Variants in PALM2AKAP2 observed in about 807,000 individuals in gnomAD.
PALM2AKAP2 encodes PALM2 and AKAP2 fusion, also known as PALM2-AKAP2 fusion protein.
PALM2AKAP2 carries 37 observed loss-of-function variants against 71.5 expected under a neutral mutation model. That is an observed-to-expected ratio of 0.52 (90% confidence interval 0.40 to 0.68). The LOEUF is 0.68. Ranked by LOEUF, PALM2AKAP2 falls within the 30% of genes least tolerant of loss-of-function variation. The pLI, the probability that PALM2AKAP2 is intolerant of heterozygous loss-of-function variation, is 0.00. For synonymous variants in PALM2AKAP2, 468 were observed against 478.8 expected (o/e 0.98, Z 0.29); for missense variants, 1,224 against 1,191.8 (o/e 1.03, Z -0.40).
upstream of PALM2AKAP2, among the ~76,000 whole-genome samples, chr9:110,045,248 C>T (rs921957863): frequency 2.6e-5 from 4 of 152,158 alleles, no homozygotes; most frequent in African/African-American, 4.8e-5. Flanking sequence ...AACATTTACA[C>T]GTTCGAGTTA....
chr9:109,733,110 T>C (rs62578069), intron 1 of PALM2AKAP2, among the ~76,000 whole-genome samples: 4,538 of 152,016 alleles, frequency 0.03, 98 homozygotes, highest in Non-Finnish European at 0.045. Flanking sequence ...TCCATTAATG[T>C]ATATAAGAAA....
At chr9:109,721,398 A>T (rs1828402913) in intron 1 of PALM2AKAP2, among the ~76,000 whole-genome samples, 1 of 152,192 alleles carries the variant, frequency 6.6e-6, no homozygotes, top group African/African-American at 2.4e-5. Context: ...TCTATTGGGA[A>T]CTTTCTCATT....
intron 1 of PALM2AKAP2, among the ~76,000 whole-genome samples, chr9:109,738,382 G>A (rs140943118): frequency 6.6e-6 from 1 of 152,232 alleles, no homozygotes; most frequent in African/African-American, 2.4e-5. Context: ...CATACAGTTA[G>A]GAAAAGAGAA....
At chr9:109,790,101 G>A (rs1005966645) in intron 1 of PALM2AKAP2, among the ~76,000 whole-genome samples, 1 of 152,200 alleles carries the variant, frequency 6.6e-6, no homozygotes, top group Admixed American at 6.5e-5. Flanking sequence ...GAAAAGCCAT[G>A]TGAGGCCCAA....
intron 6 of PALM2AKAP2, among the ~76,000 whole-genome samples, chr9:109,994,468 T>C (rs1304047257): frequency 2.0e-5 from 3 of 152,166 alleles, no homozygotes; most frequent in Admixed American, 6.5e-5. Flanking sequence ...CAACACTGGG[T>C]CATAAAGCAA....
chr9:109,666,293 C>A (rs188375351), intron 1 of PALM2AKAP2, among the ~76,000 whole-genome samples: 1 of 152,184 alleles, frequency 6.6e-6, no homozygotes, highest in Non-Finnish European at 1.5e-5. Context: ...AGCTGCAGAT[C>A]GGAGCTGTTC....
intron 1 of PALM2AKAP2, among the ~76,000 whole-genome samples, chr9:110,055,757 GT>G (rs1833825480): frequency 2.0e-5 from 3 of 152,158 alleles, no homozygotes; most frequent in Non-Finnish European, 4.4e-5. Context: ...TGAACTAGAA[GT>G]TTCCCCACTG....
In PALM2AKAP2 at chr9:109,989,017, G is replaced by C. The variant is rs541758653; in HGVS notation, c.497-26937G>C. Among the ~76,000 whole-genome samples the C allele has an allele frequency of 2.6e-5, 4 of 152,198 alleles. No homozygotes were observed. In the East Asian group the frequency reaches 7.7e-4, roughly 29 times the overall value. ...CTTTGCCTTCTGCCATGATTGTGGG[G>C]CCTCCCCAGCCAAGTGGAACTATGA... On this transcript the variant is annotated intron_variant, in intron 6 of 9. Transcript: ENST00000302798.
chr9:110,155,350 T>C (rs1456938644), intron 2 of PALM2AKAP2, among the ~76,000 whole-genome samples: 1 of 152,158 alleles, frequency 6.6e-6, no homozygotes, highest in African/African-American at 2.4e-5. Flanking sequence ...AAGGGCATAA[T>C]TGGAAAAATC....
chr9:109,771,262 G>C (rs1829257195), intron 1 of PALM2AKAP2, among the ~76,000 whole-genome samples: 1 of 152,234 alleles, frequency 6.6e-6, no homozygotes, highest in Admixed American at 6.5e-5. Context: ...AGCATACCAA[G>C]AGGGGGTGGG....
At chr9:109,697,880 G>T (rs1827995545) in intron 1 of PALM2AKAP2, among the ~76,000 whole-genome samples, 1 of 152,096 alleles carries the variant, frequency 6.6e-6, no homozygotes, top group Non-Finnish European at 1.5e-5. Context: ...GTTAACCTGA[G>T]TTTAATTACC....
At chr9:109,758,500 G>T (rs1829000592) in intron 1 of PALM2AKAP2, among the ~76,000 whole-genome samples, 1 of 151,140 alleles carries the variant, frequency 6.6e-6, no homozygotes, top group Admixed American at 6.6e-5. Context: ...GGTACATTTT[G>T]CCAGCCCAAT....
intron 1 of PALM2AKAP2, among the ~76,000 whole-genome samples, chr9:110,049,850 C>T (rs1486608736): frequency 6.6e-6 from 1 of 152,208 alleles, no homozygotes; most frequent in Non-Finnish European, 1.5e-5. Flanking sequence ...AGGCAAAGGG[C>T]GAGGCGGCGT....
intron 1 of PALM2AKAP2, among the ~76,000 whole-genome samples, chr9:109,693,464 T>C (rs1827926415): frequency 6.6e-6 from 1 of 151,980 alleles, no homozygotes; most frequent in Admixed American, 6.6e-5. Context: ...TCTGATCTTA[T>C]CTTTATTACT....
intron 1 of PALM2AKAP2, among the ~76,000 whole-genome samples, chr9:109,831,742 A>G (rs185904788): frequency 1.7e-3 from 257 of 152,334 alleles, no homozygotes; most frequent in African/African-American, 5.5e-3. Flanking sequence ...TTTACAGTAC[A>G]TAAAATAATC....
chr9:110,001,921 T>A (rs907282705), intron 6 of PALM2AKAP2, among the ~76,000 whole-genome samples: 1 of 152,158 alleles, frequency 6.6e-6, no homozygotes, highest in Non-Finnish European at 1.5e-5. Flanking sequence ...TGGGCTGAGA[T>A]GATGGGGTTT....
upstream of PALM2AKAP2, among the ~76,000 whole-genome samples, chr9:109,778,146 C>A (rs905074295): frequency 6.6e-6 from 1 of 152,220 alleles, no homozygotes; most frequent in African/African-American, 2.4e-5. Context: ...CTCAATCATA[C>A]CTTTTAAATA....
At chr9:109,699,404 A>T (rs1275516335) in intron 1 of PALM2AKAP2, among the ~76,000 whole-genome samples, 1 of 152,234 alleles carries the variant, frequency 6.6e-6, no homozygotes, top group Non-Finnish European at 1.5e-5. Flanking sequence ...ATATTGAGGG[A>T]ATAATCAGAG....
intron 1 of PALM2AKAP2, among the ~76,000 whole-genome samples, chr9:109,647,404 A>G (rs1043698365): frequency 6.6e-6 from 1 of 152,188 alleles, no homozygotes; most frequent in South Asian, 2.1e-4. Context: ...TACTATTTTC[A>G]ATGCTACAAT....
Sources: allele counts gnomAD v4.1 joint callset (sites outside exome capture counted in the v4.1 genomes callset), GRCh38; gene constraint gnomAD v4.1.1; transcripts MANE v1.5; gene names NCBI Gene and HGNC (gene_info 2026-07-23, HGNC 2026-07-21).